Variants in CMTM7 observed in about 807,000 individuals in gnomAD.
The protein encoded by CMTM7 is CKLF-like MARVEL transmembrane domain-containing protein 7.
In CMTM7, 7 loss-of-function variants were observed where a neutral mutation model predicts 19.3. The ratio of observed to expected loss-of-function variants is 0.36; its 90% confidence interval spans 0.21 to 0.68. The LOEUF is 0.68. CMTM7 is among the 30% of genes least tolerant of loss of function. The probability of loss-of-function intolerance (pLI) is 0.60; values close to 1 mark genes in which losing one functional copy is unlikely to be tolerated. For synonymous variants in CMTM7, 87 were observed against 99.3 expected (o/e 0.88, Z 0.74); for missense variants, 193 against 232.6 (o/e 0.83, Z 1.11).
chr3:32,395,561 A>G (rs951268878), intron 1 of CMTM7, among the ~76,000 whole-genome samples: 2 of 152,208 alleles, frequency 1.3e-5, no homozygotes, highest in African/African-American at 4.8e-5. Flanking sequence ...GTTGCTTGTT[A>G]ATAGTTCTAG....
At chr3:32,445,381 C>T (rs1696738543) in intron 2 of CMTM7, among the ~76,000 whole-genome samples, 1 of 152,102 alleles carries the variant, frequency 6.6e-6, no homozygotes, top group Non-Finnish European at 1.5e-5. Context: ...TTGAAGTTCC[C>T]TTCTAGCATT....
chr3:32,416,151 C>T (rs1696257943), intron 1 of CMTM7, among the ~76,000 whole-genome samples: 1 of 152,012 alleles, frequency 6.6e-6, no homozygotes, highest in African/African-American at 2.4e-5. Context: ...TTTTTGAGAT[C>T]AGCATTGTTC....
chr3:32,443,966 C>G (rs979311604), intron 2 of CMTM7, among the ~76,000 whole-genome samples: 1 of 151,986 alleles, frequency 6.6e-6, no homozygotes, highest in African/African-American at 2.4e-5. Context: ...GATAAAAGTC[C>G]CTTATCAGCT....
chr3:32,393,751 G>T (rs1017059429), intron 1 of CMTM7, among the ~76,000 whole-genome samples: 1 of 147,300 alleles, frequency 6.8e-6, no homozygotes, highest in Non-Finnish European at 1.5e-5. Flanking sequence ...ACTAGTCTGC[G>T]TGACGGAGGG....
chr3:32,400,287 T>G (rs1268165169), intron 1 of CMTM7, among the ~76,000 whole-genome samples: 1 of 152,170 alleles, frequency 6.6e-6, no homozygotes, highest in Non-Finnish European at 1.5e-5. Flanking sequence ...CGCAAAGTGC[T>G]AGGATTACAG....
rs200815926 is a variant in CMTM7, at chr3:32,454,302, C to T, written c.*48C>T. 1,355 of 1,612,284 alleles carry T rather than the reference C, an allele frequency of 8.4e-4. 8 individuals are homozygous for T. Among genetic ancestry groups the T allele is most frequent in the Non-Finnish European group, 1.2e-4 (142 of 1,178,388 alleles). ...CTCAGGAGCTTTGCAGAGAGGAGGA[C>T]GTGTACTCCAGGCGAGGCCTCTGGA... is the stretch of plus-strand genomic sequence containing the variant. On this transcript the variant is annotated 3_prime_UTR_variant, in exon 5 of 5. Coordinates refer to ENST00000334983, the MANE Select transcript of CMTM7 (RefSeq NM_138410.4).
At chr3:32,440,380 T>C (rs1350621883) in intron 1 of CMTM7, among the ~76,000 whole-genome samples, 1 of 151,826 alleles carries the variant, frequency 6.6e-6, no homozygotes, top group Non-Finnish European at 1.5e-5. Flanking sequence ...CACTCCAGCC[T>C]GGGCAACAGA....
chr3:32,438,166 TG>T (rs936831250), intron 1 of CMTM7, among the ~76,000 whole-genome samples: 1 of 152,180 alleles, frequency 6.6e-6, no homozygotes, highest in Admixed American at 6.5e-5. Context: ...CTTTTCTAAC[TG>T]GGAACACGAA....
In CMTM7 at chr3:32,416,376, T is replaced by A. The variant is rs28520481; in HGVS notation, c.159+24311T>A. ...ATCCGGGCTAATTTTTTTTTTTTTTTTTTTTTTTTTTTTTTTTTTTTGAGA... is the reference window on the plus strand; with the variant it reads ...ATCCGGGCTAATTTTTTTTTTTTTTATTTTTTTTTTTTTTTTTTTTTGAGA... On this transcript the variant is annotated intron_variant, in intron 1 of 4. Transcript: ENST00000334983. Among the ~76,000 whole-genome samples, 7 of 93,510 alleles carry A rather than the reference T, an allele frequency of 7.5e-5. 1 individual carries two copies. Among genetic ancestry groups the A allele is most frequent in the African/African-American group, 3.1e-4 (7 of 22,734 alleles). 61.3% of individuals were successfully genotyped at this position (93,510 alleles called of 152,430 possible).
intron 1 of CMTM7, among the ~76,000 whole-genome samples, chr3:32,415,932 C>CA (rs1471291869): frequency 6.6e-6 from 1 of 152,186 alleles, no homozygotes; most frequent in Non-Finnish European, 1.5e-5. Context: ...CAAGGTTTCT[C>CA]AGACGTTTCA....
chr3:32,412,893 C>G (rs1696200439), intron 1 of CMTM7, among the ~76,000 whole-genome samples: 1 of 152,112 alleles, frequency 6.6e-6, no homozygotes, highest in Non-Finnish European at 1.5e-5. Flanking sequence ...TTCATAATTG[C>G]ACATAATATG....
chr3:32,451,412 C>G (rs1399651695), intron 3 of CMTM7: 2 of 152,602 alleles, frequency 1.3e-5, no homozygotes, highest in East Asian at 3.9e-4. Context: ...CCCTGGGCTC[C>G]CATCCCATAT....
At chr3:32,425,857 G>A (rs1696423615) in intron 1 of CMTM7, among the ~76,000 whole-genome samples, 1 of 152,094 alleles carries the variant, frequency 6.6e-6, no homozygotes, top group South Asian at 2.1e-4. Context: ...GCATAAAACT[G>A]GGATTTGGCT....
At chr3:32,430,128 T>C (rs972166735) in intron 1 of CMTM7, among the ~76,000 whole-genome samples, 1 of 152,188 alleles carries the variant, frequency 6.6e-6, no homozygotes, top group African/African-American at 2.4e-5. Context: ...TGCAATTCAG[T>C]GATTTTTAGT....
chr3:32,397,847 T>C (rs1348771086), intron 1 of CMTM7, among the ~76,000 whole-genome samples: 2 of 152,182 alleles, frequency 1.3e-5, no homozygotes, highest in African/African-American at 4.8e-5. Context: ...CGGCCTTTAT[T>C]CAAGATGGAG....
chr3:32,414,209 C>T (rs1696223973), intron 1 of CMTM7, among the ~76,000 whole-genome samples: 2 of 152,150 alleles, frequency 1.3e-5, no homozygotes, highest in African/African-American at 4.8e-5. Flanking sequence ...GAGTCTATTT[C>T]CAGGGAATTC....
chr3:32,424,717 T>G lies in CMTM7; in HGVS notation c.160-17123T>G, dbSNP rs556082227. On this transcript the variant is annotated intron_variant, in intron 1 of 4. Coordinates refer to ENST00000334983, the MANE Select transcript of CMTM7 (RefSeq NM_138410.4). ...TGGAGTGCAGTGGCTTGATCATGGC[T>G]CACTGCAGTCTCAACCTCCCAGGCC... Among the ~76,000 whole-genome samples the G allele has an allele frequency of 2.6e-5, 4 of 151,644 alleles. No homozygotes were observed. The South Asian group carries it at 8.3e-4, about 32-fold the overall frequency.
Position 32,449,591 on chromosome 3 carries a change from A to T in CMTM7, c.432+39A>T. 6.8e-7 allele frequency: 1 copy of T among 1,466,732 alleles called. No homozygotes were observed. The highest frequency in any genetic ancestry group is 9.6e-7 in the Non-Finnish European group (1 of 1,045,830). The allele number at this position is 1,466,732 out of a possible 1,614,324, so 90.9% of individuals were successfully genotyped here. A position where few individuals can be genotyped will look rare whatever the true frequency, so the allele number is the denominator to read the frequency against. The stretch of plus-strand genomic sequence containing the variant: ...GGGGAGCCTTTAGGAATGAATTCTT[A>T]TTTAAAATGCTCATTTTCTTCCTGA... On this transcript the variant is annotated intron_variant, in intron 3 of 4. Transcript: ENST00000334983. This position sits in a 1 kb window ranked among gnomAD's most constrained non-coding sequence, Gnocchi z 4.5.
chr3:32,421,546 C>G (rs984274549), intron 1 of CMTM7, among the ~76,000 whole-genome samples: 1 of 152,204 alleles, frequency 6.6e-6, no homozygotes, highest in South Asian at 2.1e-4. Context: ...TCATACGGGA[C>G]ATGCCTGACC....
Sources: allele counts gnomAD v4.1 joint callset (sites outside exome capture counted in the v4.1 genomes callset), GRCh38; gene constraint gnomAD v4.1.1; non-coding constraint Gnocchi (gnomAD v3.1); transcripts MANE v1.5; gene names NCBI Gene and HGNC (gene_info 2026-07-23, HGNC 2026-07-21).